BANK1: variants seen among roughly 807,000 people sequenced by gnomAD.
The protein encoded by BANK1 is B-cell scaffold protein with ankyrin repeats.
BANK1 carries 95 observed loss-of-function variants against 94.5 expected under a neutral mutation model. The ratio of observed to expected loss-of-function variants is 1.00; its 90% confidence interval spans 0.85 to 1.19. The LOEUF (loss-of-function observed/expected upper bound fraction) is 1.19, where lower values mean the gene tolerates loss of function less well. Ranked by LOEUF, BANK1 falls within the 50% of genes most tolerant of loss-of-function variation. BANK1 has a pLI of 0.00. For missense variants in BANK1, 987 were observed against 932.2 expected (o/e 1.06, Z -0.77); for synonymous variants, 334 against 308.4 (o/e 1.08, Z -0.87).
intron 9 of BANK1, among the ~76,000 whole-genome samples, chr4:102,029,225 G>A (rs1413476793): frequency 1.3e-5 from 2 of 152,068 alleles, no homozygotes; most frequent in Non-Finnish European, 2.9e-5. Flanking sequence ...ATGTTGGCTT[G>A]TAGAAAACAA....
rs1327583999 is a variant in BANK1, at chr4:102,030,262, C to G, written c.1897C>G (p.Gln633Glu). 2 of 1,567,470 alleles carry G rather than the reference C, an allele frequency of 1.3e-6. No homozygotes were observed. Among genetic ancestry groups the G allele is most frequent in the Non-Finnish European group, 1.7e-6 (2 of 1,164,794 alleles). The change falls in exon 10 of 17, where the codon CAA (glutamine) becomes GAA (glutamate). Residue 633 changes from glutamine to glutamate, a missense_variant. Physicochemically the swap from Gln to Glu is conservative, Grantham distance 29. Coordinates refer to ENST00000322953, the MANE Select transcript of BANK1 (RefSeq NM_017935.5). ...AGAGGAAACTACACCTTACATAGCT[C>G]AAGGTAATTATCATTGTTGTTTGTT... ...PKEETTPYIA[Q>E]VFQQKTARRQ...
intron 7 of BANK1, among the ~76,000 whole-genome samples, chr4:101,927,250 A>G (rs1401410810): frequency 1.3e-5 from 2 of 151,646 alleles, no homozygotes; most frequent in African/African-American, 2.4e-5. Context: ...CACTTACAAG[A>G]CCATCAGATC....
chr4:101,953,625 C>T (rs1351031885), intron 7 of BANK1, among the ~76,000 whole-genome samples: 1 of 151,894 alleles, frequency 6.6e-6, no homozygotes, highest in Non-Finnish European at 1.5e-5. Flanking sequence ...CGATTACCTC[C>T]CTCCCTGACT....
intron 7 of BANK1, among the ~76,000 whole-genome samples, chr4:101,938,296 C>T (rs1447584940): frequency 6.6e-6 from 1 of 150,596 alleles, no homozygotes; most frequent in Non-Finnish European, 1.5e-5. Context: ...TTACCAGAGA[C>T]TGGAAAAGGT....
chr4:101,853,806 G>A (rs961545193), intron 2 of BANK1, among the ~76,000 whole-genome samples: 1 of 152,072 alleles, frequency 6.6e-6, no homozygotes, highest in Admixed American at 6.6e-5. Context: ...TAGGAGGAGT[G>A]GATCACACCG....
At chr4:101,843,060 A>G (rs1727114318) in intron 2 of BANK1, among the ~76,000 whole-genome samples, 1 of 152,188 alleles carries the variant, frequency 6.6e-6, no homozygotes, top group African/African-American at 2.4e-5. Context: ...AAAGTAAATG[A>G]TTTTCTGAAT....
At chr4:101,867,816 G>A (rs931394428) in intron 4 of BANK1, among the ~76,000 whole-genome samples, 1 of 151,206 alleles carries the variant, frequency 6.6e-6, no homozygotes, top group Non-Finnish European at 1.5e-5. Flanking sequence ...GCTAAGAAGA[G>A]AGAAAATAGA....
At chr4:101,951,817 T>A (rs894681493) in intron 7 of BANK1, among the ~76,000 whole-genome samples, 1 of 151,912 alleles carries the variant, frequency 6.6e-6, no homozygotes, top group Non-Finnish European at 1.5e-5. Context: ...TATAAATAAT[T>A]TTGATTTTTA....
At chr4:101,955,891 G>A (rs1724319094) in intron 7 of BANK1, among the ~76,000 whole-genome samples, 1 of 152,150 alleles carries the variant, frequency 6.6e-6, no homozygotes. Context: ...GCACAGTAGT[G>A]TAGTGCTTAT....
intron 2 of BANK1, among the ~76,000 whole-genome samples, chr4:101,851,013 G>A (rs947488661): frequency 6.6e-6 from 1 of 152,118 alleles, no homozygotes; most frequent in African/African-American, 2.4e-5. Flanking sequence ...TCAAGTGAAA[G>A]AAAGAGTCAC....
chr4:102,025,214 A>C lies in BANK1; in HGVS notation c.1299A>C (p.Pro433=). Reference sequence around the variant, plus strand: ...CATCATAAACAGCCACACAGAACCCAGCATTTCATCATGAAAGCAGGAAGA... The same window carrying C: ...CATCATAAACAGCCACACAGAACCCCGCATTTCATCATGAAAGCAGGAAGA... ...FSTYIPSTQN[P]AFHHESRKTY... Residue 433 remains proline (P), a synonymous_variant, in exon 9 of 17, where the codon CCA becomes CCC. Coordinates refer to ENST00000322953, the MANE Select transcript of BANK1 (RefSeq NM_017935.5). The C allele has an allele frequency of 6.2e-7, 1 of 1,614,174 alleles. No homozygotes were observed.
At chr4:102,030,388 A>G in intron 10 of BANK1, 123 bp downstream of exon 10, 1 of 976,922 alleles carries the variant, frequency 1.0e-6, no homozygotes, top group Non-Finnish European at 1.5e-6. Context: ...ATTTTTTTTC[A>G]AGTCACAGCT....
chr4:102,005,846 C>G (rs879430263), intron 7 of BANK1, among the ~76,000 whole-genome samples: 4 of 151,974 alleles, frequency 2.6e-5, no homozygotes, highest in Admixed American at 2.6e-4. Context: ...ACAGAATTAA[C>G]CAATTGCACT....
intron 11 of BANK1, among the ~76,000 whole-genome samples, chr4:102,050,357 A>G (rs1370028455): frequency 6.6e-6 from 1 of 152,174 alleles, no homozygotes; most frequent in Non-Finnish European, 1.5e-5. Flanking sequence ...CCAACTGCCT[A>G]TACCAGTCAC....
chr4:101,828,360 C>A (rs1021949993), intron 1 of BANK1, among the ~76,000 whole-genome samples: 3 of 148,538 alleles, frequency 2.0e-5, no homozygotes, highest in Non-Finnish European at 4.5e-5. Flanking sequence ...CAAACACAAT[C>A]TAAGATATGT....
chr4:101,984,992 C>G (rs1725435993), intron 7 of BANK1, among the ~76,000 whole-genome samples: 1 of 152,020 alleles, frequency 6.6e-6, no homozygotes, highest in South Asian at 2.1e-4. Context: ...CTCCAGAGAA[C>G]AGAACCAATA....
chr4:101,949,915 A>G (rs777609936), intron 7 of BANK1, among the ~76,000 whole-genome samples: 15 of 152,136 alleles, frequency 9.9e-5, no homozygotes, highest in Admixed American at 2.0e-4. Flanking sequence ...AACCCATAGG[A>G]GAAGCCTTGA....
intron 1 of BANK1, among the ~76,000 whole-genome samples, chr4:101,817,231 A>G (rs138934439): frequency 6.6e-6 from 1 of 152,206 alleles, no homozygotes; most frequent in African/African-American, 2.4e-5. Context: ...TGCATATTTT[A>G]TGTTCATCGC....
chr4:102,068,674 A>T (rs923883218), intron 13 of BANK1, among the ~76,000 whole-genome samples: 3 of 151,978 alleles, frequency 2.0e-5, no homozygotes, highest in Non-Finnish European at 4.4e-5. Context: ...TAAAAATACA[A>T]AAAATTAGCG....
Sources: gnomAD v4.1 joint callset for allele counts (sites outside exome capture counted in the v4.1 genomes callset) on GRCh38, gnomAD v4.1.1 for gene constraint, MANE v1.5 for transcripts, NCBI Gene and HGNC (gene_info 2026-07-23, HGNC 2026-07-21) for gene names.